STXBP5L: variants seen among roughly 807,000 people sequenced by gnomAD.
STXBP5L encodes the protein syntaxin-binding protein 5-like.
Under a neutral mutation model 144.5 loss-of-function variants are expected in STXBP5L, and 65 were observed. The observed-to-expected ratio is 0.45, with a 90% CI of 0.37 to 0.55. STXBP5L has a LOEUF of 0.55. Among genes scored for constraint, STXBP5L ranks in the 20% least tolerant of loss-of-function variants. The probability of loss-of-function intolerance (pLI) is 0.00; values close to 1 mark genes in which losing one functional copy is unlikely to be tolerated. For missense variants in STXBP5L, 1,298 were observed against 1,405.5 expected (o/e 0.92, Z 1.22); for synonymous variants, 505 against 469.6 (o/e 1.08, Z -0.97).
chr3:121,031,627 C>T (rs1160544511), intron 3 of STXBP5L, among the ~76,000 whole-genome samples: 1 of 151,974 alleles, frequency 6.6e-6, no homozygotes, highest in Non-Finnish European at 1.5e-5. Context: ...TGAAGGGTAA[C>T]CTGCTGTATT....
At chr3:121,015,526 G>C (rs1465263768) in intron 3 of STXBP5L, among the ~76,000 whole-genome samples, 1 of 152,068 alleles carries the variant, frequency 6.6e-6, no homozygotes. Flanking sequence ...AAATTGGTGG[G>C]TGCTGAATGT....
intron 20 of STXBP5L, among the ~76,000 whole-genome samples, chr3:121,349,216 C>G (rs922208222): frequency 6.6e-6 from 1 of 152,154 alleles, no homozygotes. Flanking sequence ...TTGTTATGTA[C>G]CCAGTAGTCA....
chr3:121,409,520 G>C, intron 23 of STXBP5L, among the ~76,000 whole-genome samples: 1 of 151,692 alleles, frequency 6.6e-6, no homozygotes, highest in East Asian at 1.9e-4. Flanking sequence ...TAGAGGCAGT[G>C]GTATAGATCA....
chr3:121,129,212 A>G (rs1416865815), intron 7 of STXBP5L, among the ~76,000 whole-genome samples: 1 of 152,038 alleles, frequency 6.6e-6, no homozygotes, highest in Non-Finnish European at 1.5e-5. Context: ...AGCTGGAATA[A>G]TACTCATATT....
At chr3:121,068,821 A>T (rs903026984) in intron 5 of STXBP5L, among the ~76,000 whole-genome samples, 13 of 151,442 alleles carry the variant, frequency 8.6e-5, no homozygotes, top group Middle Eastern at 6.8e-3. Context: ...TTGCCTGAAA[A>T]TTTTTCTTTA....
intron 19 of STXBP5L, among the ~76,000 whole-genome samples, chr3:121,286,144 A>C (rs532538345): frequency 6.6e-6 from 1 of 152,318 alleles, no homozygotes; most frequent in African/African-American, 2.4e-5. Flanking sequence ...CTAGTTATGC[A>C]ACAAGGGATC....
chr3:121,199,272 G>A (rs1419655833), intron 9 of STXBP5L, among the ~76,000 whole-genome samples: 4 of 152,040 alleles, frequency 2.6e-5, no homozygotes, highest in Non-Finnish European at 5.9e-5. Flanking sequence ...TCATGATTTG[G>A]CTCTCTACTT....
chr3:121,017,925 A>G (rs1945257753), intron 3 of STXBP5L, among the ~76,000 whole-genome samples: 1 of 152,080 alleles, frequency 6.6e-6, no homozygotes, highest in Admixed American at 6.6e-5. Flanking sequence ...AACAAAACCA[A>G]AAAAATAGCC....
At chr3:121,046,610 G>T (rs548144250) in intron 5 of STXBP5L, among the ~76,000 whole-genome samples, 2 of 151,980 alleles carry the variant, frequency 1.3e-5, no homozygotes, top group East Asian at 1.9e-4. Flanking sequence ...TTCCAGGAAT[G>T]TATTCATTTA....
At chr3:121,123,841 A>G (rs3914740) in intron 7 of STXBP5L, among the ~76,000 whole-genome samples, 7,015 of 151,846 alleles carry the variant, frequency 0.046, 220 homozygotes, top group Middle Eastern at 0.099. Context: ...TTTTCCATCA[A>G]TAGTCTTTTG....
chr3:121,230,847 C>T (rs1439875197), intron 11 of STXBP5L, among the ~76,000 whole-genome samples: 2 of 152,076 alleles, frequency 1.3e-5, no homozygotes, highest in African/African-American at 4.8e-5. Flanking sequence ...TGGCTGAAGC[C>T]CCTTACTGAA....
rs1284302554 is a variant in STXBP5L, at chr3:121,418,485, G to C, written c.3375G>C (p.Arg1125Ser). Residue 1125 changes from arginine (R) to serine (S), a missense_variant, in exon 26 of 27, where the codon AGG becomes AGC. Arg to Ser is a moderately radical substitution (Grantham distance 110). Transcript: ENST00000471454. ...TTGCACTTGATGAAAGAGGACAGAGGCTAGGAGAGCTGGAAGAGAAAACTG... is the reference window on the plus strand; with the variant it reads ...TTGCACTTGATGAAAGAGGACAGAGCCTAGGAGAGCTGGAAGAGAAAACTG... ...ARIALDERGQ[R>S]LGELEEKTAG... The C allele has an allele frequency of 6.2e-7, 1 of 1,614,106 alleles. No individual in the cohort carries two copies. Among genetic ancestry groups the C allele is most frequent in the South Asian group, 1.1e-5 (1 of 91,086 alleles).
chr3:121,132,135 C>A (rs771015292), intron 7 of STXBP5L, among the ~76,000 whole-genome samples: 1 of 152,204 alleles, frequency 6.6e-6, no homozygotes, highest in Non-Finnish European at 1.5e-5. Flanking sequence ...AGCCTAGCTG[C>A]CTAGACAAGA....
intron 5 of STXBP5L, among the ~76,000 whole-genome samples, chr3:121,109,074 T>G (rs1208359486): frequency 6.6e-6 from 1 of 152,212 alleles, no homozygotes; most frequent in Non-Finnish European, 1.5e-5. Context: ...TTTGCATTTC[T>G]GTGGGGTCAG....
chr3:121,089,057 C>T, intron 5 of STXBP5L, among the ~76,000 whole-genome samples: 1 of 80,670 alleles, frequency 1.2e-5, no homozygotes, highest in Non-Finnish European at 2.1e-5. Context: ...CTAACCTGCA[C>T]AATGTGCACA....
chr3:121,093,110 C>T (rs1251950404), intron 5 of STXBP5L, among the ~76,000 whole-genome samples: 2 of 152,186 alleles, frequency 1.3e-5, no homozygotes, highest in African/African-American at 2.4e-5. Flanking sequence ...CCTTGCATCC[C>T]AGGGATGAAG....
At chr3:121,274,595 G>A (rs1027209993) in intron 18 of STXBP5L, among the ~76,000 whole-genome samples, 3 of 152,244 alleles carry the variant, frequency 2.0e-5, no homozygotes, top group African/African-American at 7.2e-5. Context: ...CTGGTTCTGG[G>A]TGCAGGTGCC....
chr3:121,361,489 C>A (rs932719101), intron 20 of STXBP5L, among the ~76,000 whole-genome samples: 1 of 151,796 alleles, frequency 6.6e-6, no homozygotes, highest in Non-Finnish European at 1.5e-5. Flanking sequence ...ATTCTCTTTT[C>A]TTTTGTCTCT....
At chr3:121,113,666 C>A (rs111945860) in intron 5 of STXBP5L, among the ~76,000 whole-genome samples, 2,765 of 132,856 alleles carry the variant, frequency 0.021, 97 homozygotes, top group African/African-American at 0.074. Flanking sequence ...ATTCTTTTTT[C>A]TTTTTCTTTT....
Sources: gnomAD v4.1 joint callset for allele counts (sites outside exome capture counted in the v4.1 genomes callset) on GRCh38, gnomAD v4.1.1 for gene constraint, MANE v1.5 for transcripts, NCBI Gene and HGNC (gene_info 2026-07-23, HGNC 2026-07-21) for gene names.